Variants in FMNL2 observed in about 807,000 individuals in gnomAD.
The protein encoded by FMNL2 is formin-like protein 2.
Under a neutral mutation model 130.2 loss-of-function variants are expected in FMNL2, and 51 were observed. That is an observed-to-expected ratio of 0.39 (90% CI 0.31 to 0.49). FMNL2 has a LOEUF of 0.49. FMNL2 is among the 20% of genes least tolerant of loss of function. The pLI, the probability that FMNL2 is intolerant of heterozygous loss-of-function variation, is 0.85. For synonymous variants in FMNL2, 465 were observed against 467.1 expected, an observed-to-expected ratio of 1.00 and a Z score of 0.06; for missense variants, 977 against 1,316.2, an observed-to-expected ratio of 0.74 and a Z score of 3.99.
intron 1 of FMNL2, among the ~76,000 whole-genome samples, chr2:152,451,579 C>T (rs748276681): frequency 1.3e-5 from 2 of 151,980 alleles, no homozygotes; most frequent in Non-Finnish European, 2.9e-5. Flanking sequence ...ATATCAGCAC[C>T]GTTTTATGGA....
chr2:152,532,069 A>G (rs1693729549), intron 2 of FMNL2, among the ~76,000 whole-genome samples: 1 of 152,194 alleles, frequency 6.6e-6, no homozygotes, highest in Non-Finnish European at 1.5e-5. Flanking sequence ...CTTTAAATAG[A>G]ATTATGAATG....
At chr2:152,408,470 T>C (rs1686117302) in intron 1 of FMNL2, among the ~76,000 whole-genome samples, 1 of 152,220 alleles carries the variant, frequency 6.6e-6, no homozygotes, top group Admixed American at 6.5e-5. Flanking sequence ...CTTAGCATTT[T>C]CTTCCCTCTT....
intron 1 of FMNL2, among the ~76,000 whole-genome samples, chr2:152,381,876 C>T (rs575276919): frequency 1.3e-5 from 2 of 151,804 alleles, no homozygotes; most frequent in African/African-American, 2.4e-5. Flanking sequence ...AGCACAATCA[C>T]GGCTCACTGC....
chr2:152,336,122 C>A (rs4035882), intron 1 of FMNL2, among the ~76,000 whole-genome samples: 61,215 of 137,092 alleles, frequency 0.45, 14,609 homozygotes, highest in Non-Finnish European at 0.58. Context: ...CAAAACAAAA[C>A]ACCCTGAGCC....
At chr2:152,452,174 A>G (rs1270158004) in intron 1 of FMNL2, among the ~76,000 whole-genome samples, 1 of 152,062 alleles carries the variant, frequency 6.6e-6, no homozygotes, top group East Asian at 1.9e-4. Flanking sequence ...CCATCCCCGA[A>G]AGACAGTTGA....
intron 2 of FMNL2, among the ~76,000 whole-genome samples, chr2:152,533,739 A>G (rs569318384): frequency 1.3e-5 from 2 of 152,186 alleles, no homozygotes; most frequent in African/African-American, 4.8e-5. Context: ...CTTCTGATCT[A>G]TGAACATGGT....
intron 1 of FMNL2, among the ~76,000 whole-genome samples, chr2:152,393,609 C>T (rs1685233751): frequency 6.6e-6 from 1 of 152,210 alleles, no homozygotes; most frequent in South Asian, 2.1e-4. Context: ...CAAAGAGAGT[C>T]TTTCCATTTG....
rs765775708 is a variant in FMNL2, at chr2:152,618,974, T to A, written c.1443T>A (p.Ile481=). The change falls in exon 14 of 26, where the codon ATT becomes ATA. Residue 481 remains isoleucine, a synonymous_variant. Coordinates refer to ENST00000288670, the MANE Select transcript of FMNL2 (RefSeq NM_052905.4). Reference sequence around the variant, plus strand: ...ATGAGCTAGAGAAACAAGGGACCATTAAAATTCAGAAGAAAGGGGATGGGG... The same window carrying A: ...ATGAGCTAGAGAAACAAGGGACCATAAAAATTCAGAAGAAAGGGGATGGGG... ...KIHELEKQGT[I]KIQKKGDGDI... is the part of the protein sequence containing the mutation. 3 of 1,613,994 alleles carry A rather than the reference T, an allele frequency of 1.9e-6. No individual in the cohort carries two copies. Among genetic ancestry groups the A allele is most frequent in the Middle Eastern group, 1.6e-4 (1 of 6,062 alleles).
chr2:152,593,860 A>AGAGAGAGAGG (rs1365489869), intron 9 of FMNL2, among the ~76,000 whole-genome samples: 1 of 113,294 alleles, frequency 8.8e-6, no homozygotes, highest in African/African-American at 3.5e-5. Flanking sequence ...AGAGAGAGAG[A>AGAGAGAGAGG]GTGTGTGTGT....
chr2:152,496,873 T>TG (rs1235945835), intron 1 of FMNL2, among the ~76,000 whole-genome samples: 1 of 152,150 alleles, frequency 6.6e-6, no homozygotes, highest in Non-Finnish European at 1.5e-5. Flanking sequence ...TTCTTACTTT[T>TG]GGTACCATAA....
intron 1 of FMNL2, among the ~76,000 whole-genome samples, chr2:152,442,387 G>C (rs775899131): frequency 6.6e-6 from 1 of 151,948 alleles, no homozygotes; most frequent in Non-Finnish European, 1.5e-5. Flanking sequence ...TAGTAGCTGG[G>C]ATTACAGGTG....
At chr2:152,530,334 A>G (rs1473145915) in intron 2 of FMNL2, among the ~76,000 whole-genome samples, 3 of 152,168 alleles carry the variant, frequency 2.0e-5, no homozygotes, top group Non-Finnish European at 4.4e-5. Context: ...TGTTTGTAGA[A>G]GGCTGTTGTT....
chr2:152,337,184 A>C (rs6722740), intron 1 of FMNL2, among the ~76,000 whole-genome samples: 73,649 of 151,968 alleles, frequency 0.48, 19,840 homozygotes, highest in Non-Finnish European at 0.62. Flanking sequence ...AGCTGCTCCC[A>C]CCGTTGTGCA....
At chr2:152,475,374 T>C (rs1690089404) in intron 1 of FMNL2, among the ~76,000 whole-genome samples, 1 of 152,258 alleles carries the variant, frequency 6.6e-6, no homozygotes, top group Non-Finnish European at 1.5e-5. Context: ...GAGATAGATG[T>C]CCAACCTCTT....
chr2:152,594,565 G>A (rs1375724153), intron 9 of FMNL2, among the ~76,000 whole-genome samples: 1 of 151,922 alleles, frequency 6.6e-6, no homozygotes, highest in Non-Finnish European at 1.5e-5. Context: ...CCTAGACTGA[G>A]AGTGAGCTGG....
At chr2:152,391,719 G>A (rs942665673) in intron 1 of FMNL2, among the ~76,000 whole-genome samples, 1 of 89,882 alleles carries the variant, frequency 1.1e-5, no homozygotes, top group African/African-American at 3.3e-5. Flanking sequence ...TTGGAACTAT[G>A]GTATCAGATT....
At chr2:152,601,562 A>G (rs1318748759) in intron 9 of FMNL2, among the ~76,000 whole-genome samples, 1 of 151,622 alleles carries the variant, frequency 6.6e-6, no homozygotes, top group Non-Finnish European at 1.5e-5. Context: ...TGGCCTCCCA[A>G]AGTGCTGGGA....
In FMNL2 at chr2:152,619,129, T is replaced by C. The variant is rs200304315; in HGVS notation, c.1598T>C (p.Leu533Pro). 82 of 1,588,668 alleles carry C rather than the reference T, an allele frequency of 5.2e-5. No individual in the cohort carries two copies. In the African/African-American group the frequency reaches 9.6e-4, roughly 19 times the overall value. The change falls in exon 14 of 26, where the codon CTG becomes CCG. Residue 533 changes from leucine to proline, a missense_variant. Transcript: ENST00000288670. ...CCCTTGCCCCCTCCTCCACCACCAC[T>C]GCCTCCCTCATCAGACACACCTGAA... ...SGPLPPPPPP[L>P]PPSSDTPETV... is the part of the protein sequence containing the mutation.
At chr2:152,601,156 C>G (rs1344155272) in intron 9 of FMNL2, among the ~76,000 whole-genome samples, 1 of 152,054 alleles carries the variant, frequency 6.6e-6, no homozygotes, top group Non-Finnish European at 1.5e-5. Flanking sequence ...GTAGAATTCT[C>G]AAGAACCTTA....
Sources: allele counts gnomAD v4.1 joint callset (sites outside exome capture counted in the v4.1 genomes callset), GRCh38; gene constraint gnomAD v4.1.1; transcripts MANE v1.5; gene names NCBI Gene and HGNC (gene_info 2026-07-23, HGNC 2026-07-21).